NBEA: variants seen among roughly 807,000 people sequenced by gnomAD.
The protein encoded by NBEA is lysosomal-trafficking regulator 2.
NBEA carries 44 observed loss-of-function variants against 343.4 expected under a neutral mutation model. The ratio of observed to expected loss-of-function variants is 0.13; its 90% CI spans 0.10 to 0.16. NBEA has a LOEUF of 0.16. Ranked by LOEUF, NBEA falls within the 10% of genes least tolerant of loss-of-function variation. The pLI, the probability that NBEA is intolerant of heterozygous loss-of-function variation, is 1.00. For synonymous variants in NBEA, 1,175 were observed against 1,238.7 expected, an observed-to-expected ratio of 0.95 and a Z score of 1.08; for missense variants, 2,555 against 3,631.3, an observed-to-expected ratio of 0.70 and a Z score of 7.62.
At chr13:35,246,309 G>A (rs537036675) in intron 34 of NBEA, among the ~76,000 whole-genome samples, 3 of 152,014 alleles carry the variant, frequency 2.0e-5, no homozygotes, top group Non-Finnish European at 4.4e-5. Context: ...TTCTTGGTTT[G>A]GATCTTTTGG....
At chr13:34,976,441 A>G (rs995596763) in intron 1 of NBEA, among the ~76,000 whole-genome samples, 1 of 152,140 alleles carries the variant, frequency 6.6e-6, no homozygotes, top group Non-Finnish European at 1.5e-5. Context: ...GGGGGTGGCA[A>G]AGGATAAAAG....
intron 45 of NBEA, among the ~76,000 whole-genome samples, chr13:35,572,930 T>G (rs950250171): frequency 1.3e-5 from 2 of 152,190 alleles, no homozygotes; most frequent in African/African-American, 2.4e-5. Context: ...AATGCTTAAT[T>G]TTAAACAACA....
rs1257768703 is a variant in NBEA, at chr13:35,446,912, TGA to T, written c.6305-5178_6305-5177del. 3.3e-5 allele frequency among the ~76,000 whole-genome samples: 5 copies of T among 152,086 alleles called. 1 individual carries two copies. In the East Asian group the frequency reaches 9.6e-4, roughly 29 times the overall value. ...ATAATAGCATAAGCTGGTGAAAAGC[TGA>T]GTCTACATTAAAACTGGCTTATTAT... On this transcript the variant is annotated intron_variant, in intron 39 of 58. Coordinates refer to ENST00000379939, the MANE Select transcript of NBEA (RefSeq NM_001385012.1).
chr13:35,023,954 T>C (rs1413289298), intron 1 of NBEA, among the ~76,000 whole-genome samples: 1 of 152,072 alleles, frequency 6.6e-6, no homozygotes, highest in African/African-American at 2.4e-5. Flanking sequence ...CACTAGGTAG[T>C]TTTTCAACCC....
At position 34,970,770 on chromosome 13, in the gene NBEA, T is replaced by G. The variant is rs191435475; in HGVS notation, c.294+27656T>G. Among the ~76,000 whole-genome samples the G allele has an allele frequency of 3.9e-5, 6 of 152,272 alleles. No individual in the cohort carries two copies. The East Asian group carries it at 1.2e-3, about 29-fold the overall frequency. On this transcript the variant is annotated intron_variant, in intron 1 of 58. Transcript: ENST00000379939. ...TGTGCCAACACCATGCTGTTTTGGT[T>G]AATGTAGCTCTGTATTATAGTTAAG...
At chr13:34,969,150 A>G (rs1227886839) in intron 1 of NBEA, among the ~76,000 whole-genome samples, 2 of 152,046 alleles carry the variant, frequency 1.3e-5, no homozygotes, top group African/African-American at 4.8e-5. Context: ...TTTTCAACAT[A>G]GTGAAAGGAA....
intron 46 of NBEA, among the ~76,000 whole-genome samples, chr13:35,584,713 T>C (rs1198037676): frequency 3.3e-5 from 5 of 152,082 alleles, no homozygotes; most frequent in Non-Finnish European, 7.4e-5. Context: ...TTGGCCAGGC[T>C]GGTCTTGAAC....
chr13:35,171,121 G>A lies in NBEA; in HGVS notation c.4243-151G>A, dbSNP rs1487585641. 5.0e-6 allele frequency: 4 copies of A among 799,380 alleles called. No homozygotes were observed. The African/African-American group carries it at 5.0e-5, about 10-fold the overall frequency. The allele number at this position is 799,380 out of a possible 1,614,324, so 49.5% of individuals were successfully genotyped here. A position where few individuals can be genotyped will look rare whatever the true frequency, so the allele number is the denominator to read the frequency against. On this transcript the variant is annotated intron_variant, in intron 25 of 58. Transcript: ENST00000379939. Reference sequence around the variant, plus strand: ...GTAACCGAATTTGGTAACCAGCTCTGGTGATATATGGAATTAGTTGAACAT... The same window carrying A: ...GTAACCGAATTTGGTAACCAGCTCTAGTGATATATGGAATTAGTTGAACAT...
intron 33 of NBEA, among the ~76,000 whole-genome samples, chr13:35,225,329 T>A (rs2074592943): frequency 6.6e-6 from 1 of 151,580 alleles, no homozygotes; most frequent in South Asian, 2.1e-4. Flanking sequence ...GAGTAGAGGG[T>A]TTTTTATGTT....
chr13:35,451,912 G>A (rs140182661), intron 39 of NBEA, among the ~76,000 whole-genome samples, 180 bp from the exon 40 acceptor site: 19 of 151,934 alleles, frequency 1.3e-4, no homozygotes, highest in Non-Finnish European at 1.6e-4. Flanking sequence ...TTACAGCTCC[G>A]CACACCCCAT....
chr13:35,348,391 G>A lies in NBEA; in HGVS notation c.5904-717G>A, dbSNP rs113769229. ...GAAACACACCCAGGCATAACAGTGG[G>A]TACCTGTTGAGGTTGAAAATTTGGT... is the stretch of plus-strand genomic sequence containing the variant. On this transcript the variant is annotated intron_variant, in intron 36 of 58. Coordinates refer to ENST00000379939, the MANE Select transcript of NBEA (RefSeq NM_001385012.1). 6.4e-3 allele frequency among the ~76,000 whole-genome samples: 973 copies of A among 152,122 alleles called. 9 individuals carry two copies. The highest frequency in any genetic ancestry group is 0.023 in the African/African-American group (935 of 41,516).
rs542061763 is a variant in NBEA at position 35,527,033 on chromosome 13, C to A, written c.6586-23444C>A. ...GCCCCAGCTCTTCTCTTCCTCTCTC[C>A]TTCTCTCTTCTCTCCTTCTTATCTC... On this transcript the variant is annotated intron_variant, in intron 41 of 58. Coordinates refer to ENST00000379939, the MANE Select transcript of NBEA (RefSeq NM_001385012.1). Among the ~76,000 whole-genome samples the A allele has an allele frequency of 2.0e-5, 3 of 152,216 alleles. 1 individual carries two copies. The South Asian group carries it at 6.2e-4, about 32-fold the overall frequency.
chr13:35,652,726 G>A (rs1411998556), intron 53 of NBEA, among the ~76,000 whole-genome samples: 2 of 101,438 alleles, frequency 2.0e-5, no homozygotes, highest in South Asian at 3.8e-4. Flanking sequence ...GCGGAGTCTC[G>A]CTCTGTCGCC....
chr13:35,171,538 A>G, intron 26 of NBEA, 86 bp downstream of exon 26: 1 of 1,033,094 alleles, frequency 9.7e-7, no homozygotes, highest in Non-Finnish European at 1.4e-6. Context: ...AATATTAATG[A>G]TATAAGTTGA....
At chr13:35,277,711 A>G (rs2034718287) in intron 34 of NBEA, among the ~76,000 whole-genome samples, 1 of 151,824 alleles carries the variant, frequency 6.6e-6, no homozygotes, top group South Asian at 2.1e-4. Flanking sequence ...ACTTTGCCAA[A>G]TACACATATT....
intron 41 of NBEA, among the ~76,000 whole-genome samples, chr13:35,485,784 G>T (rs2076285124): frequency 6.6e-6 from 1 of 152,074 alleles, no homozygotes; most frequent in Admixed American, 6.6e-5. Context: ...GAAATGATCA[G>T]CTGTGATAGT....
intron 38 of NBEA, among the ~76,000 whole-genome samples, chr13:35,427,163 C>T (rs1456251192): frequency 6.6e-6 from 1 of 152,208 alleles, no homozygotes; most frequent in Non-Finnish European, 1.5e-5. Flanking sequence ...CAGCTTTGTT[C>T]CGTTGCTGGT....
chr13:35,004,097 A>G (rs2061235763), intron 1 of NBEA, among the ~76,000 whole-genome samples: 1 of 152,164 alleles, frequency 6.6e-6, no homozygotes, highest in South Asian at 2.1e-4. Context: ...GTCCCTGCAA[A>G]GGACATGATC....
intron 1 of NBEA, among the ~76,000 whole-genome samples, chr13:34,964,719 C>T (rs1263731518): frequency 6.6e-6 from 1 of 151,946 alleles, no homozygotes; most frequent in Non-Finnish European, 1.5e-5. Flanking sequence ...GCTTAAATGA[C>T]AATGGGCCAC....
Sources: gnomAD v4.1 joint callset for allele counts (sites outside exome capture counted in the v4.1 genomes callset) on GRCh38, gnomAD v4.1.1 for gene constraint, MANE v1.5 for transcripts, NCBI Gene and HGNC (gene_info 2026-07-23, HGNC 2026-07-21) for gene names.